The following IMMP2L variants were observed in gnomAD, a reference collection of about 807,000 sequenced individuals.
IMMP2L encodes inner mitochondrial membrane peptidase subunit 2, also known as mitochondrial inner membrane protease subunit 2.
A neutral mutation model predicts 19.3 loss-of-function variants in IMMP2L; 18 were observed. The ratio of observed to expected loss-of-function variants is 0.93; its 90% CI spans 0.64 to 1.38. The LOEUF (loss-of-function observed/expected upper bound fraction) is 1.38. IMMP2L is among the 40% of genes most tolerant of loss of function. The pLI is 0.00. For missense variants in IMMP2L, 233 were observed against 218.2 expected (o/e 1.07, Z -0.43); for synonymous variants, 76 against 73.0 (o/e 1.04, Z -0.21).
In IMMP2L at chr7:110,663,200, CA is replaced by C. The variant is rs1791199070; in HGVS notation, c.*401del. 5.1e-6 allele frequency: 1 copy of C among 195,612 alleles called. No individual in the cohort carries two copies. Among genetic ancestry groups the C allele is most frequent in the Admixed American group, 5.4e-5 (1 of 18,442 alleles). The allele number at this position is 195,612 out of a possible 1,614,324, so 12.1% of individuals were successfully genotyped here. On this transcript the variant is annotated 3_prime_UTR_variant, in exon 6 of 6. Transcript: ENST00000405709. ...CTTGTTCTACCTTAACAGCAAGTGA[CA>C]AATACATCATTTTTATTGAATATTA... is the stretch of plus-strand genomic sequence containing the variant.
chr7:111,544,477 A>G (rs1848745265), intron 1 of IMMP2L, among the ~76,000 whole-genome samples: 1 of 152,202 alleles, frequency 6.6e-6, no homozygotes, highest in Admixed American at 6.5e-5. Flanking sequence ...GAGCAAAGTT[A>G]CTGAATGAAG....
chr7:110,911,634 G>C (rs1266296147), intron 4 of IMMP2L, among the ~76,000 whole-genome samples: 1 of 152,106 alleles, frequency 6.6e-6, no homozygotes, highest in African/African-American at 2.4e-5. Context: ...CTGGGGGTCA[G>C]GTATCAAACT....
intron 3 of IMMP2L, among the ~76,000 whole-genome samples, chr7:111,132,973 C>A (rs1562834569): frequency 6.6e-6 from 1 of 152,120 alleles, no homozygotes; most frequent in East Asian, 1.9e-4. Context: ...CCTATGTTCT[C>A]ATCCCAAATG....
At chr7:111,496,128 T>C (rs1210035581) in intron 2 of IMMP2L, among the ~76,000 whole-genome samples, 1 of 152,154 alleles carries the variant, frequency 6.6e-6, no homozygotes, top group African/African-American at 2.4e-5. Context: ...TACATTCTGA[T>C]TAAGAATTAT....
intron 3 of IMMP2L, among the ~76,000 whole-genome samples, chr7:111,218,237 C>T (rs1168858061): frequency 6.6e-6 from 1 of 152,014 alleles, no homozygotes; most frequent in Non-Finnish European, 1.5e-5. Flanking sequence ...AAGACATCAC[C>T]AGACCTGGTA....
intron 3 of IMMP2L, among the ~76,000 whole-genome samples, chr7:111,396,815 T>C (rs953329879): frequency 4.6e-5 from 7 of 152,130 alleles, no homozygotes; most frequent in African/African-American, 1.7e-4. Context: ...CTGGGTGCGG[T>C]GGCTCACGCC....
chr7:111,404,915 G>A (rs37683), intron 3 of IMMP2L, among the ~76,000 whole-genome samples: 13,639 of 152,036 alleles, frequency 0.09, 745 homozygotes, highest in African/African-American at 0.14. Flanking sequence ...TGTGTCTAAA[G>A]TAGTTCCTTA....
intron 3 of IMMP2L, among the ~76,000 whole-genome samples, chr7:111,237,675 T>A (rs534903864): frequency 1.2e-4 from 18 of 151,940 alleles, no homozygotes; most frequent in African/African-American, 4.3e-4. Context: ...TATAAATGTA[T>A]ATAATCTGTT....
At chr7:111,557,632 G>C (rs1007695028) in intron 1 of IMMP2L, among the ~76,000 whole-genome samples, 1 of 152,152 alleles carries the variant, frequency 6.6e-6, no homozygotes, top group Non-Finnish European at 1.5e-5. Context: ...GCTCTTGCTA[G>C]ATTTCATTTG....
intron 5 of IMMP2L, among the ~76,000 whole-genome samples, chr7:110,799,172 A>G (rs1171045034): frequency 6.6e-6 from 1 of 152,016 alleles, no homozygotes; most frequent in Non-Finnish European, 1.5e-5. Flanking sequence ...TCAACTTAAC[A>G]TTGAGGTCTT....
At chr7:111,075,531 G>T (rs144291599) in intron 3 of IMMP2L, among the ~76,000 whole-genome samples, 4 of 152,214 alleles carry the variant, frequency 2.6e-5, no homozygotes, top group African/African-American at 4.8e-5. Context: ...ACTCGAAATT[G>T]CAGGAACATT....
In IMMP2L at chr7:111,357,617, T is replaced by C. The variant is rs942132432; in HGVS notation, c.239+129621A>G. Among the ~76,000 whole-genome samples the C allele has an allele frequency of 2.0e-4, 31 of 152,154 alleles. 1 individual carries two copies. Among genetic ancestry groups the C allele is most frequent in the African/African-American group, 7.2e-4 (30 of 41,438 alleles). On this transcript the variant is annotated intron_variant, in intron 3 of 5. Coordinates refer to ENST00000405709, the MANE Select transcript of IMMP2L (RefSeq NM_032549.4). Reference sequence around the variant, plus strand: ...TGTCTGAATGTTGCACTTTGTTTTTTCATTTATATAGCTGGGAACATTCAT... The same window carrying C: ...TGTCTGAATGTTGCACTTTGTTTTTCCATTTATATAGCTGGGAACATTCAT...
chr7:111,230,410 G>A (rs1277400810), intron 3 of IMMP2L, among the ~76,000 whole-genome samples: 1 of 152,024 alleles, frequency 6.6e-6, no homozygotes, highest in Non-Finnish European at 1.5e-5. Flanking sequence ...GGGAAGAAAT[G>A]CAGAAAGAAG....
At chr7:111,550,169 T>A (rs939397882) in intron 1 of IMMP2L, among the ~76,000 whole-genome samples, 3 of 151,976 alleles carry the variant, frequency 2.0e-5, no homozygotes, top group Non-Finnish European at 4.4e-5. Context: ...TAGTAAATAA[T>A]CTGCAATACC....
intron 3 of IMMP2L, among the ~76,000 whole-genome samples, chr7:111,328,846 A>G (rs1348947475): frequency 6.6e-6 from 1 of 151,882 alleles, no homozygotes; most frequent in Admixed American, 6.6e-5. Flanking sequence ...CTCAGATAAA[A>G]AGACAGCAGT....
intron 3 of IMMP2L, among the ~76,000 whole-genome samples, chr7:111,256,908 T>A (rs187507093): frequency 1.7e-3 from 260 of 152,166 alleles, no homozygotes; most frequent in African/African-American, 5.2e-3. Flanking sequence ...AACATCTGGG[T>A]AGATAATCAA....
intron 3 of IMMP2L, among the ~76,000 whole-genome samples, chr7:111,326,322 A>G (rs1439178452): frequency 6.6e-6 from 1 of 151,834 alleles, no homozygotes; most frequent in Non-Finnish European, 1.5e-5. Flanking sequence ...TTTTCTCAAA[A>G]CTACAAAAAA....
At chr7:111,134,249 A>C (rs1802121743) in intron 3 of IMMP2L, among the ~76,000 whole-genome samples, 1 of 152,064 alleles carries the variant, frequency 6.6e-6, no homozygotes, top group Non-Finnish European at 1.5e-5. Flanking sequence ...ATAATACCAG[A>C]CATACTTCTA....
intron 3 of IMMP2L, among the ~76,000 whole-genome samples, chr7:111,143,308 T>C (rs575755330): frequency 2.0e-5 from 3 of 152,170 alleles, no homozygotes; most frequent in Non-Finnish European, 4.4e-5. Context: ...TGAGGAATCC[T>C]ACCCCCAACC....
Sources: gnomAD v4.1 joint callset for allele counts (sites outside exome capture counted in the v4.1 genomes callset) on GRCh38, gnomAD v4.1.1 for gene constraint, MANE v1.5 for transcripts, NCBI Gene and HGNC (gene_info 2026-07-23, HGNC 2026-07-21) for gene names.